Variants in KIAA1549L observed in about 807,000 individuals in gnomAD.
KIAA1549L encodes KIAA1549 like.
Under a neutral mutation model 160.7 loss-of-function variants are expected in KIAA1549L, and 88 were observed. The ratio of observed to expected loss-of-function variants is 0.55; its 90% CI spans 0.46 to 0.65. KIAA1549L has a LOEUF of 0.65. Ranked by LOEUF, KIAA1549L falls within the 30% of genes least tolerant of loss-of-function variation. The pLI is 0.00. For synonymous variants in KIAA1549L, 950 were observed against 976.7 expected (o/e 0.97, Z 0.51); for missense variants, 2,258 against 2,437.5 (o/e 0.93, Z 1.55).
At chr11:33,562,678 C>CTTTTTT (rs35756207) in intron 8 of KIAA1549L, among the ~76,000 whole-genome samples, 3 of 134,038 alleles carry the variant, frequency 2.2e-5, no homozygotes, top group African/African-American at 8.4e-5. Context: ...TTCATTTCCT[C>CTTTTTT]TTTTTTTTTT....
chr11:33,518,533 T>C (rs1025212816), intron 1 of KIAA1549L, among the ~76,000 whole-genome samples: 25 of 152,222 alleles, frequency 1.6e-4, no homozygotes, highest in African/African-American at 5.5e-4. Flanking sequence ...TCATCTGTTC[T>C]TTTAATTGCT....
intron 1 of KIAA1549L, among the ~76,000 whole-genome samples, chr11:33,409,564 TAAG>T (rs1850744960): frequency 6.6e-6 from 1 of 152,306 alleles, no homozygotes; most frequent in South Asian, 2.1e-4. Flanking sequence ...CAGAATCAAG[TAAG>T]AAGGTGACAG....
Position 33,573,478 on chromosome 11 carries a change from A to G in KIAA1549L, c.4231-1224A>G, listed in dbSNP as rs1196585879. Among the ~76,000 whole-genome samples, 4 of 152,162 alleles carry G rather than the reference A, an allele frequency of 2.6e-5. No individual in the cohort carries two copies. In the East Asian group the frequency reaches 5.8e-4, roughly 22 times the overall value. The stretch of plus-strand genomic sequence containing the variant: ...CATCAGGCTTTTGTATTCATCCATA[A>G]TGATACAAATAGCCATAGTTTATTC... On this transcript the variant is annotated intron_variant, in intron 9 of 20. Transcript: ENST00000658780.
chr11:33,547,912 A>G (rs376850385), intron 4 of KIAA1549L, 33 bp downstream of exon 4: 1 of 1,377,398 alleles, frequency 7.3e-7, no homozygotes, highest in African/African-American at 1.4e-5. Context: ...AAGCTAATCC[A>G]TCACAGTCTG....
intron 8 of KIAA1549L, among the ~76,000 whole-genome samples, chr11:33,566,918 A>G (rs573242963): frequency 5.2e-4 from 79 of 152,294 alleles, no homozygotes; most frequent in African/African-American, 1.9e-3. Flanking sequence ...TAAGAAAATG[A>G]GATTTGTTTT....
At chr11:33,641,243 T>C (rs750640081) in intron 16 of KIAA1549L, among the ~76,000 whole-genome samples, 1 of 152,130 alleles carries the variant, frequency 6.6e-6, no homozygotes, top group Non-Finnish European at 1.5e-5. Flanking sequence ...CAATTACAGC[T>C]TCACCTCTGG....
In KIAA1549L at chr11:33,495,576, G is replaced by A. The variant is rs187777895; in HGVS notation, c.239-46226G>A. Among the ~76,000 whole-genome samples, 677 of 152,236 alleles carry A rather than the reference G, an allele frequency of 4.4e-3. 9 individuals carry two copies. Among genetic ancestry groups the A allele is most frequent in the African/African-American group, 0.015 (640 of 41,530 alleles). Reference sequence around the variant, plus strand: ...AGTCTTTGCTATTGTGAATAATGCCGCAATAAGCATATGCGTGCATGTGTC... The same window carrying A: ...AGTCTTTGCTATTGTGAATAATGCCACAATAAGCATATGCGTGCATGTGTC... On this transcript the variant is annotated intron_variant, in intron 1 of 20. Coordinates refer to ENST00000658780, the MANE Select transcript of KIAA1549L (RefSeq NM_012194.3).
chr11:33,646,182 T>A, intron 17 of KIAA1549L, 146 bp downstream of exon 17: 1 of 663,952 alleles, frequency 1.5e-6, no homozygotes, highest in Admixed American at 2.9e-5. Context: ...CATCATCCCA[T>A]CTTCCACCCA....
rs1040670364 is a variant in KIAA1549L at position 33,493,807 on chromosome 11, A to G, written c.239-47995A>G. On this transcript the variant is annotated intron_variant, in intron 1 of 20. Coordinates refer to ENST00000658780, the MANE Select transcript of KIAA1549L (RefSeq NM_012194.3). ...CCCTAGCCAAGGGGCAGACTTGGGA[A>G]TCAAACTAAGCTGATAGTCCCATCA... Among the ~76,000 whole-genome samples the G allele has an allele frequency of 2.6e-5, 4 of 152,312 alleles. 1 individual carries two copies. In the Middle Eastern group the frequency reaches 0.014, roughly 518 times the overall value.
At chr11:33,623,765 T>G (rs1851021958) in intron 16 of KIAA1549L, among the ~76,000 whole-genome samples, 1 of 152,172 alleles carries the variant, frequency 6.6e-6, no homozygotes, top group Non-Finnish European at 1.5e-5. Flanking sequence ...CATGGCCTAG[T>G]GACCTCCTTC....
intron 1 of KIAA1549L, among the ~76,000 whole-genome samples, chr11:33,381,457 G>A (rs997643222): frequency 9.2e-5 from 14 of 152,116 alleles, no homozygotes; most frequent in African/African-American, 3.1e-4. Context: ...TTGTGCTTGC[G>A]TTGTTTGAGG....
intron 1 of KIAA1549L, among the ~76,000 whole-genome samples, chr11:33,504,417 G>A (rs1157800493): frequency 6.6e-6 from 1 of 151,758 alleles, no homozygotes; most frequent in East Asian, 1.9e-4. Context: ...CAATCAAATA[G>A]GTATCATTGC....
intron 1 of KIAA1549L, among the ~76,000 whole-genome samples, chr11:33,531,879 G>A (rs1294042494): frequency 6.6e-6 from 1 of 152,176 alleles, no homozygotes; most frequent in African/African-American, 2.4e-5. Flanking sequence ...GGGTCTTGGT[G>A]ATTTAGAGCC....
intron 1 of KIAA1549L, among the ~76,000 whole-genome samples, chr11:33,495,828 G>A (rs1389932757): frequency 2.6e-5 from 4 of 151,958 alleles, no homozygotes; most frequent in South Asian, 4.2e-4. Flanking sequence ...TCTAACTGGT[G>A]TGAGATGGTA....
chr11:33,408,647 CTT>C (rs1230133370), intron 1 of KIAA1549L, among the ~76,000 whole-genome samples: 1 of 151,406 alleles, frequency 6.6e-6, no homozygotes, highest in Non-Finnish European at 1.5e-5. Context: ...GTGATATAGA[CTT>C]TCCTTGGTTA....
intron 1 of KIAA1549L, among the ~76,000 whole-genome samples, chr11:33,394,385 CATAA>C (rs1850327389): frequency 2.9e-5 from 4 of 138,946 alleles, no homozygotes; most frequent in Non-Finnish European, 4.5e-5. Context: ...GATCCTAACT[CATAA>C]ATAATAAATA....
At position 33,542,586 on chromosome 11, in the gene KIAA1549L, A is replaced by G. The variant is rs757550654; in HGVS notation, c.1023A>G (p.Thr341=). ...TEGPHSAGSS[T]PGFLSPMAEL... is the part of the protein sequence containing the mutation. ...GTCCCCATTCAGCAGGTTCATCCAC[A>G]CCTGGGTTTTTGAGCCCCATGGCAG... The change falls in exon 2 of 21, where the codon ACA becomes ACG. Residue 341 remains threonine (T), a synonymous_variant. Coordinates refer to ENST00000658780, the MANE Select transcript of KIAA1549L (RefSeq NM_012194.3). 14 of 1,613,298 alleles carry G rather than the reference A, an allele frequency of 8.7e-6. No individual in the cohort carries two copies. In the South Asian group the frequency reaches 8.8e-5, roughly 10 times the overall value.
chr11:33,541,618 G>A (rs554258823), intron 1 of KIAA1549L, among the ~76,000 whole-genome samples, 184 bp from the exon 2 acceptor site: 2 of 152,292 alleles, frequency 1.3e-5, no homozygotes, highest in South Asian at 2.1e-4. Context: ...ACCCTGCCCT[G>A]TAGGTTCACT....
intron 20 of KIAA1549L, among the ~76,000 whole-genome samples, chr11:33,666,562 T>C (rs1852462023): frequency 6.6e-6 from 1 of 152,118 alleles, no homozygotes. Flanking sequence ...ATTAACATCA[T>C]GGGGTATGTG....
Sources: gnomAD v4.1 joint callset for allele counts (sites outside exome capture counted in the v4.1 genomes callset) on GRCh38, gnomAD v4.1.1 for gene constraint, MANE v1.5 for transcripts, NCBI Gene and HGNC (gene_info 2026-07-23, HGNC 2026-07-21) for gene names.